Variants in MTUS1 observed in about 807,000 individuals in gnomAD.
MTUS1 encodes microtubule-associated tumor suppressor 1.
A neutral mutation model predicts 120.8 loss-of-function variants in MTUS1; 109 were observed. The observed-to-expected ratio is 0.90, with a 90% confidence interval of 0.77 to 1.06. The LOEUF (loss-of-function observed/expected upper bound fraction) is 1.06. MTUS1 is among the 50% of genes least tolerant of loss of function. The probability of loss-of-function intolerance (pLI) is 0.00; values close to 1 mark genes in which losing one functional copy is unlikely to be tolerated. For missense variants in MTUS1, 2,210 were observed against 1,486.3 expected, an observed-to-expected ratio of 1.49 and a Z score of -8.01; for synonymous variants, 737 against 550.5, an observed-to-expected ratio of 1.34 and a Z score of -4.74.
chr8:17,727,782 T>C (rs1563277795), intron 3 of MTUS1, among the ~76,000 whole-genome samples: 2 of 152,242 alleles, frequency 1.3e-5, no homozygotes, highest in Non-Finnish European at 1.5e-5. Flanking sequence ...GTGGTTTATT[T>C]TAAGCTCGTG....
chr8:17,660,455 C>A (rs36083109), intron 8 of MTUS1, among the ~76,000 whole-genome samples: 2 of 152,226 alleles, frequency 1.3e-5, no homozygotes, highest in South Asian at 4.2e-4. Context: ...CTTGGGTTGC[C>A]TCCACCTTTG....
At chr8:17,729,990 A>G (rs1266964769) in intron 3 of MTUS1, among the ~76,000 whole-genome samples, 1 of 151,240 alleles carries the variant, frequency 6.6e-6, no homozygotes, top group Non-Finnish European at 1.5e-5. Flanking sequence ...TCATCAAAAA[A>G]AAAAAAAAAA....
At chr8:17,756,679 C>CCCCCCCCCCA (rs58787907) in intron 1 of MTUS1, among the ~76,000 whole-genome samples, 65 of 123,496 alleles carry the variant, frequency 5.3e-4, no homozygotes, top group Non-Finnish European at 7.6e-4. Flanking sequence ...AAACCCCCAC[C>CCCCCCCCCCA]CCTTATGTAA....
At chr8:17,694,441 G>A (rs1817559836) in intron 6 of MTUS1, among the ~76,000 whole-genome samples, 3 of 152,166 alleles carry the variant, frequency 2.0e-5, no homozygotes, top group Non-Finnish European at 4.4e-5. Flanking sequence ...TGAGGCAGGC[G>A]AATTGCCTGA....
At chr8:17,663,608 T>G (rs543352509) in intron 8 of MTUS1, among the ~76,000 whole-genome samples, 2 of 99,082 alleles carry the variant, frequency 2.0e-5, no homozygotes, top group East Asian at 5.3e-4. Context: ...TTGTTTTGTT[T>G]TTTTTGAGAC....
chr8:17,651,440 A>G (rs1381337832), intron 12 of MTUS1, among the ~76,000 whole-genome samples: 1 of 152,110 alleles, frequency 6.6e-6, no homozygotes, highest in Non-Finnish European at 1.5e-5. Context: ...GTCTCAACAC[A>G]TCACACGTAC....
intron 12 of MTUS1, 23 bp from the exon 13 acceptor site, chr8:17,649,985 C>A (rs535096737): frequency 8.6e-7 from 1 of 1,168,350 alleles, no homozygotes; most frequent in Admixed American, 1.7e-5. Context: ...CAGCAAGATA[C>A]TGCTCTTATT....
Position 17,653,208 on chromosome 8 carries a change from C to T in MTUS1, c.3362G>A (p.Arg1121Lys). ...TACCAAATTTGCTTTTTCTCTTGCTCTTCTTTTTTGTTCTTCTGATTTCAA... is the reference window on the plus strand; with the variant it reads ...TACCAAATTTGCTTTTTCTCTTGCTTTTCTTTTTTGTTCTTCTGATTTCAA... ...EKLKSEEQKR[R>K]AREKANLKNP... The change falls in exon 12 of 15, where the codon AGA (arginine) becomes AAA (lysine). Residue 1121 changes from arginine (R) to lysine (K), a missense_variant. Physicochemically the swap from Arg to Lys is conservative, Grantham distance 26. Coordinates refer to ENST00000693296, the MANE Select transcript of MTUS1 (RefSeq NM_001363059.2). 1 of 1,549,342 alleles carries T rather than the reference C, an allele frequency of 6.5e-7. No individual in the cohort carries two copies. The highest frequency in any genetic ancestry group is 8.7e-7 in the Non-Finnish European group (1 of 1,151,812).
intron 2 of MTUS1, among the ~76,000 whole-genome samples, chr8:17,751,534 A>G (rs1367843690): frequency 6.6e-6 from 1 of 151,208 alleles, no homozygotes; most frequent in Non-Finnish European, 1.5e-5. Flanking sequence ...AACTAGCAAA[A>G]TTAGAGAGCA....
At chr8:17,748,589 G>T (rs575983342) in intron 2 of MTUS1, among the ~76,000 whole-genome samples, 1 of 152,158 alleles carries the variant, frequency 6.6e-6, no homozygotes, top group Non-Finnish European at 1.5e-5. Context: ...ATGCCCTCTG[G>T]GGCTTTAGGG....
intron 3 of MTUS1, among the ~76,000 whole-genome samples, chr8:17,739,220 G>A (rs577181170): frequency 2.6e-4 from 39 of 152,044 alleles, no homozygotes; most frequent in Non-Finnish European, 3.8e-4. Flanking sequence ...CAGGCCAGGC[G>A]CGGTGGCTCA....
intron 3 of MTUS1, among the ~76,000 whole-genome samples, chr8:17,742,294 T>TA (rs1172759823): frequency 2.2e-5 from 3 of 139,476 alleles, no homozygotes; most frequent in African/African-American, 8.1e-5. Context: ...TGTTGTTGTT[T>TA]TTTTTTTTTT....
chr8:17,660,014 T>C lies in MTUS1; in HGVS notation c.2906-3949A>G, dbSNP rs972556874. Among the ~76,000 whole-genome samples, 3 of 152,204 alleles carry C rather than the reference T, an allele frequency of 2.0e-5. 1 individual carries two copies. The highest frequency in any genetic ancestry group is 2.9e-5 in the Non-Finnish European group (2 of 68,046). Reference sequence around the variant, plus strand: ...GTGACTGTTTATTTCATTTAGCGTATGTCCTCAAGGCTCATCCAAGCTGTG... The same window carrying C: ...GTGACTGTTTATTTCATTTAGCGTACGTCCTCAAGGCTCATCCAAGCTGTG... On this transcript the variant is annotated intron_variant, in intron 8 of 14. Transcript: ENST00000693296.
In MTUS1 at chr8:17,654,598, A is replaced by G; in HGVS notation, c.3177T>C (p.Leu1059=). The G allele has an allele frequency of 1.2e-6, 2 of 1,614,116 alleles. No individual in the cohort carries two copies. ...LEIEASHSEK[L]ELLKKAYEAS... ...CTTCATAGGCCTTCTTTAGCAATTC[A>G]AGTTTCTCTGAGTGGCTAGCTTCAA... The change falls in exon 10 of 15, where the codon CTT becomes CTC. Residue 1059 remains leucine (L), a synonymous_variant. Transcript: ENST00000693296.
At chr8:17,791,511 T>C (rs1312309143) in intron 1 of MTUS1, among the ~76,000 whole-genome samples, 1 of 152,200 alleles carries the variant, frequency 6.6e-6, no homozygotes, top group African/African-American at 2.4e-5. Context: ...GTCTTTCGAA[T>C]GTGCTGACTG....
intron 1 of MTUS1, among the ~76,000 whole-genome samples, chr8:17,795,329 A>C (rs898568913): frequency 3.3e-5 from 5 of 152,250 alleles, no homozygotes; most frequent in Non-Finnish European, 5.9e-5. Context: ...TTTAGTTAAC[A>C]GTAGAAGATC....
chr8:17,772,637 C>T (rs2050102010), intron 1 of MTUS1, among the ~76,000 whole-genome samples: 1 of 152,148 alleles, frequency 6.6e-6, no homozygotes, highest in Non-Finnish European at 1.5e-5. Flanking sequence ...TTAAGTTTTC[C>T]TACAAAGAGA....
At chr8:17,704,061 CTCTTTA>C (rs1386487195) in intron 6 of MTUS1, 1 of 152,632 alleles carries the variant, frequency 6.6e-6, no homozygotes, top group Admixed American at 6.5e-5. Context: ...TGTACTCTTT[CTCTTTA>C]TTTCTCAGAC....
rs557217940 is a variant in MTUS1 at position 17,673,493 on chromosome 8, C to T, written c.2905+1693G>A. On this transcript the variant is annotated intron_variant, in intron 8 of 14. Coordinates refer to ENST00000693296, the MANE Select transcript of MTUS1 (RefSeq NM_001363059.2). Reference sequence around the variant, plus strand: ...CTTTTACAGAGTCTTGCTCTGTTGGCCAGACTGGAGGGCAGCAGCACAATG... The same window carrying T: ...CTTTTACAGAGTCTTGCTCTGTTGGTCAGACTGGAGGGCAGCAGCACAATG... Among the ~76,000 whole-genome samples, 3 of 152,252 alleles carry T rather than the reference C, an allele frequency of 2.0e-5. No individual in the cohort carries two copies. The East Asian group carries it at 5.8e-4, about 29-fold the overall frequency.
Sources: allele counts gnomAD v4.1 joint callset (sites outside exome capture counted in the v4.1 genomes callset), GRCh38; gene constraint gnomAD v4.1.1; transcripts MANE v1.5; gene names NCBI Gene and HGNC (gene_info 2026-07-23, HGNC 2026-07-21).